Variants in WDR26 observed in about 807,000 individuals in gnomAD.
WDR26 encodes the protein WD repeat domain 26.
In WDR26, 5 loss-of-function variants were observed where a neutral mutation model predicts 84.1. That is an observed-to-expected ratio of 0.06 (90% CI 0.03 to 0.13). The LOEUF is 0.13. WDR26 is among the 10% of genes least tolerant of loss of function. The pLI is 1.00. For synonymous variants in WDR26, 415 were observed against 389.6 expected (o/e 1.07, Z -0.77); for missense variants, 642 against 974.9 (o/e 0.66, Z 4.55).
chr1:224,423,734 G>A (rs1674130772), intron 4 of WDR26, among the ~76,000 whole-genome samples: 1 of 152,198 alleles, frequency 6.6e-6, no homozygotes, highest in African/African-American at 2.4e-5. Flanking sequence ...ATACAACTGA[G>A]ACATCTATTA....
chr1:224,396,477 T>C (rs1673264016), intron 12 of WDR26, among the ~76,000 whole-genome samples: 1 of 152,160 alleles, frequency 6.6e-6, no homozygotes, highest in East Asian at 1.9e-4. Context: ...TAGAAACTAA[T>C]GTCTATTATC....
intron 4 of WDR26, among the ~76,000 whole-genome samples, chr1:224,420,912 G>A (rs777201135): frequency 1.3e-5 from 2 of 152,110 alleles, no homozygotes; most frequent in Non-Finnish European, 2.9e-5. Flanking sequence ...GTTGGCCATT[G>A]TGAATATTTT....
In WDR26 at chr1:224,405,217, G is replaced by C. The variant is rs559542564; in HGVS notation, c.1459-647C>G. Among the ~76,000 whole-genome samples the C allele has an allele frequency of 4.8e-4, 73 of 152,206 alleles. 1 individual carries two copies. The highest frequency in any genetic ancestry group is 1.0e-3 in the South Asian group (5 of 4,824). On this transcript the variant is annotated intron_variant, in intron 7 of 13. Transcript: ENST00000414423. The stretch of plus-strand genomic sequence containing the variant: ...TCTTTTAATTGGCTTCTTTCAGTTA[G>C]CATGTTTTCAGGGTTCATCCGTGTT...
intron 6 of WDR26, among the ~76,000 whole-genome samples, chr1:224,413,580 G>A (rs1383740482): frequency 6.6e-6 from 1 of 152,092 alleles, no homozygotes; most frequent in Non-Finnish European, 1.5e-5. Flanking sequence ...ATTGCTCATG[G>A]AAGTACTATT....
rs555201344 is a variant in WDR26 at position 224,426,066 on chromosome 1, C to T, written c.928-1412G>A. Among the ~76,000 whole-genome samples, 26 of 152,202 alleles carry T rather than the reference C, an allele frequency of 1.7e-4. No homozygotes were observed. The East Asian group carries it at 4.8e-3, about 28-fold the overall frequency. On this transcript the variant is annotated intron_variant, in intron 3 of 13. Coordinates refer to ENST00000414423, the MANE Select transcript of WDR26 (RefSeq NM_001379403.1). ...AGAGACAGGGTTTTGCCATGTTGGC[C>T]AGGCTGGTCTTGAACTCCTGACCTC...
intron 12 of WDR26, among the ~76,000 whole-genome samples, chr1:224,395,388 G>A (rs754898153): frequency 1.2e-4 from 18 of 152,048 alleles, no homozygotes; most frequent in Non-Finnish European, 8.8e-5. Flanking sequence ...ACTGTCAGTG[G>A]GTGTACTGCC....
intron 3 of WDR26, among the ~76,000 whole-genome samples, chr1:224,428,625 G>T (rs776342508): frequency 3.3e-5 from 5 of 152,036 alleles, no homozygotes; most frequent in Non-Finnish European, 5.9e-5. Context: ...GGCCCGGCAC[G>T]GTGGCTCACG....
In WDR26 at chr1:224,424,550, T is replaced by C; in HGVS notation, c.1032A>G (p.Lys344=). Residue 344 remains lysine (K), a synonymous_variant, in exon 4 of 14, where the codon AAA becomes AAG. Transcript: ENST00000414423. ...GAACATGAATGCGCTCTGTATTGTA[T>C]TTCAGCGGCGTCAATTCACAGCGTA... The C allele has an allele frequency of 1.9e-6, 3 of 1,614,078 alleles. No homozygotes were observed. The highest frequency in any genetic ancestry group is 1.1e-5 in the South Asian group (1 of 91,088).
At chr1:224,425,317 G>C (rs982006455) in intron 3 of WDR26, among the ~76,000 whole-genome samples, 2 of 152,200 alleles carry the variant, frequency 1.3e-5, no homozygotes, top group African/African-American at 4.8e-5. Flanking sequence ...GGCTATTAAG[G>C]GATGTCTACG....
chr1:224,419,433 T>C (rs1673993374), intron 5 of WDR26, 85 bp downstream of exon 5: 6 of 1,025,114 alleles, frequency 5.9e-6, no homozygotes, highest in Non-Finnish European at 9.1e-6. Flanking sequence ...TGTCCAGATA[T>C]TCCCCATCTG....
chr1:224,411,102 C>T (rs1442170622), intron 7 of WDR26, among the ~76,000 whole-genome samples: 1 of 152,166 alleles, frequency 6.6e-6, no homozygotes, highest in Non-Finnish European at 1.5e-5. Flanking sequence ...CACGTACTAG[C>T]TGTGAGAGTC....
chr1:224,416,789 G>A (rs773049511), intron 6 of WDR26, among the ~76,000 whole-genome samples: 3 of 152,064 alleles, frequency 2.0e-5, no homozygotes, highest in South Asian at 2.1e-4. Flanking sequence ...GTTCACAAGC[G>A]TCTTAATTTT....
intron 9 of WDR26, among the ~76,000 whole-genome samples, chr1:224,400,732 GA>G (rs1673389215): frequency 6.6e-6 from 1 of 152,092 alleles, no homozygotes; most frequent in Non-Finnish European, 1.5e-5. Flanking sequence ...TTTTAGTAGA[GA>G]CAGGGTTTCA....
At chr1:224,400,867 T>C (rs1572168013) in intron 9 of WDR26, 83 bp downstream of exon 9, 1 of 1,555,532 alleles carries the variant, frequency 6.4e-7, no homozygotes, top group East Asian at 2.3e-5. Flanking sequence ...CTTTGTAAGA[T>C]ACTGAGTCAA....
intron 7 of WDR26, among the ~76,000 whole-genome samples, chr1:224,407,174 C>T (rs1321461579): frequency 2.0e-5 from 1 of 51,192 alleles, no homozygotes; most frequent in Non-Finnish European, 3.5e-5. Flanking sequence ...ATATATATAA[C>T]TCAAAAACTT....
At chr1:224,405,548 C>T (rs1673527071) in intron 7 of WDR26, among the ~76,000 whole-genome samples, 1 of 152,186 alleles carries the variant, frequency 6.6e-6, no homozygotes, top group Non-Finnish European at 1.5e-5. Flanking sequence ...AAAGCTACCA[C>T]TTATTAATGC....
chr1:224,405,244 T>C (rs1042811167), intron 7 of WDR26, among the ~76,000 whole-genome samples: 4 of 152,256 alleles, frequency 2.6e-5, no homozygotes, highest in African/African-American at 4.8e-5. Context: ...ATCCGTGTTA[T>C]AGAATGTATT....
Position 224,389,498 on chromosome 1 carries a change from C to G in WDR26, c.*337G>C. The G allele has an allele frequency of 4.0e-6, 2 of 501,520 alleles. No homozygotes were observed. Among genetic ancestry groups the G allele is most frequent in the Non-Finnish European group, 6.9e-6 (2 of 289,638 alleles). 31.1% of individuals were successfully genotyped at this position (501,520 alleles called of 1,614,324 possible). ...ATTTAAACTTCATTACACAGAAGAG[C>G]AACAAGAATGGTATCCTGCCAGACA... On this transcript the variant is annotated 3_prime_UTR_variant, in exon 14 of 14. Coordinates refer to ENST00000414423, the MANE Select transcript of WDR26 (RefSeq NM_001379403.1).
chr1:224,416,373 G>A (rs1181104705), intron 6 of WDR26, among the ~76,000 whole-genome samples: 5 of 151,868 alleles, frequency 3.3e-5, no homozygotes, highest in Non-Finnish European at 5.9e-5. Flanking sequence ...GACTACAGGC[G>A]CCTGCCACCA....
Sources: gnomAD v4.1 joint callset for allele counts (sites outside exome capture counted in the v4.1 genomes callset) on GRCh38, gnomAD v4.1.1 for gene constraint, MANE v1.5 for transcripts, NCBI Gene and HGNC (gene_info 2026-07-23, HGNC 2026-07-21) for gene names.